Variants in PPP2R2B observed in about 807,000 individuals in gnomAD.
The protein encoded by PPP2R2B is serine/threonine-protein phosphatase 2A 55 kDa regulatory subunit B beta isoform.
PPP2R2B carries 5 observed loss-of-function variants against 46.0 expected under a neutral mutation model. The ratio of observed to expected loss-of-function variants is 0.11; its 90% CI spans 0.06 to 0.23. PPP2R2B has a LOEUF of 0.23. Among genes scored for constraint, PPP2R2B ranks in the 10% least tolerant of loss-of-function variants. The pLI is 1.00. For synonymous variants in PPP2R2B, 215 were observed against 206.7 expected (o/e 1.04, Z -0.34); for missense variants, 367 against 575.0 (o/e 0.64, Z 3.70).
intron 2 of PPP2R2B, among the ~76,000 whole-genome samples, chr5:146,734,086 A>G (rs1182069563): frequency 7.0e-6 from 1 of 143,746 alleles, no homozygotes. Context: ...ACAGGGTTTT[A>G]CTCTGTTGCT....
At chr5:146,647,408 C>A (rs545512632) in intron 6 of PPP2R2B, among the ~76,000 whole-genome samples, 5 of 152,242 alleles carry the variant, frequency 3.3e-5, no homozygotes, top group African/African-American at 1.2e-4. Flanking sequence ...CGCTTCCTAC[C>A]CCAGAGGTGG....
chr5:147,018,386 G>A (rs1755109572), intron 1 of PPP2R2B, among the ~76,000 whole-genome samples: 1 of 152,042 alleles, frequency 6.6e-6, no homozygotes, highest in Admixed American at 6.6e-5. Flanking sequence ...TCTGTCAGGA[G>A]GGATAGTTGG....
chr5:146,718,951 A>T (rs1270089169), intron 2 of PPP2R2B, among the ~76,000 whole-genome samples: 4 of 152,230 alleles, frequency 2.6e-5, no homozygotes, highest in Non-Finnish European at 1.5e-5. Flanking sequence ...CCAGTGAGTC[A>T]CATGAAATAA....
At chr5:146,923,327 G>T (rs1206060366) in intron 1 of PPP2R2B, among the ~76,000 whole-genome samples, 2 of 152,174 alleles carry the variant, frequency 1.3e-5, no homozygotes, top group Non-Finnish European at 2.9e-5. Flanking sequence ...CAGGCAAAAT[G>T]TACCTGTCAG....
At chr5:147,056,789 TCCATGAAATAATAATGACTTTGGAAA>T, upstream of PPP2R2B, among the ~76,000 whole-genome samples, 1 of 152,160 alleles carries the variant, frequency 6.6e-6, no homozygotes, top group African/African-American at 2.4e-5. Context: ...TTGGTTTTGG[TCCATGAAATAATAATGACTTTGGAAA>T]CCTTATCACT....
At chr5:146,602,014 C>G (rs985348512) in intron 7 of PPP2R2B, among the ~76,000 whole-genome samples, 1 of 152,138 alleles carries the variant, frequency 6.6e-6, no homozygotes, top group African/African-American at 2.4e-5. Flanking sequence ...GAGTATATCT[C>G]GATATTTCCC....
At chr5:146,688,878 G>A (rs560345154) in intron 5 of PPP2R2B, among the ~76,000 whole-genome samples, 89 of 152,096 alleles carry the variant, frequency 5.9e-4, no homozygotes, top group Non-Finnish European at 9.6e-4. Flanking sequence ...AGAAGTTCAC[G>A]GTATAAACTC....
chr5:146,974,092 C>T (rs1752783982), intron 1 of PPP2R2B, among the ~76,000 whole-genome samples: 1 of 152,106 alleles, frequency 6.6e-6, no homozygotes, highest in South Asian at 2.1e-4. Context: ...AGAGTAAACT[C>T]TTGTAGATCT....
At chr5:146,741,018 A>G (rs1429396785) in intron 2 of PPP2R2B, among the ~76,000 whole-genome samples, 1 of 145,998 alleles carries the variant, frequency 6.8e-6, no homozygotes, top group East Asian at 2.0e-4. Context: ...GCCAAGCGAC[A>G]GAGCAAGACT....
chr5:147,069,202 T>C (rs1017524264), intron 2 of PPP2R2B, among the ~76,000 whole-genome samples: 1 of 152,100 alleles, frequency 6.6e-6, no homozygotes, highest in Non-Finnish European at 1.5e-5. Flanking sequence ...GATAGCACAG[T>C]GAACTTCAGA....
At chr5:146,605,389 T>G (rs1772166782) in intron 7 of PPP2R2B, among the ~76,000 whole-genome samples, 1 of 152,204 alleles carries the variant, frequency 6.6e-6, no homozygotes, top group South Asian at 2.1e-4. Flanking sequence ...CCACTGGCTT[T>G]TCCATTTCCC....
rs111349413 is a variant in PPP2R2B, at chr5:146,634,785, C to T, written c.790+3466G>A. ...ACTTACACACACACACACACACACC[C>T]CCTACTGGTTCTGTTTGTCTGGAGA... On this transcript the variant is annotated intron_variant, in intron 7 of 9. Transcript: ENST00000394411. Among the ~76,000 whole-genome samples, 13 of 151,896 alleles carry T rather than the reference C, an allele frequency of 8.6e-5. 3 individuals carry two copies. The highest frequency in any genetic ancestry group is 2.7e-4 in the African/African-American group (11 of 41,334).
chr5:147,008,063 T>A (rs548051178), intron 1 of PPP2R2B, among the ~76,000 whole-genome samples: 37 of 152,160 alleles, frequency 2.4e-4, no homozygotes, highest in Non-Finnish European at 2.9e-4. Context: ...TTATTGAACA[T>A]CAATGAAATA....
chr5:146,603,738 T>A (rs911898932), intron 7 of PPP2R2B, among the ~76,000 whole-genome samples: 5 of 152,224 alleles, frequency 3.3e-5, no homozygotes, highest in Admixed American at 6.5e-5. Flanking sequence ...GTGCTTTACA[T>A]GTTTTATTTC....
rs1776200123 is a variant in PPP2R2B at position 146,654,602 on chromosome 5, C to T, written c.448-3878G>A. On this transcript the variant is annotated intron_variant, in intron 5 of 9. Coordinates refer to ENST00000394411, the MANE Select transcript of PPP2R2B (RefSeq NM_181675.4). Reference sequence around the variant, plus strand: ...GTGGGAGGCCATAGTGTCTAGGCCTCTCCTCCTTCATTATTCTTGGTATTA... The same window carrying T: ...GTGGGAGGCCATAGTGTCTAGGCCTTTCCTCCTTCATTATTCTTGGTATTA... Among the ~76,000 whole-genome samples, 5 of 152,164 alleles carry T rather than the reference C, an allele frequency of 3.3e-5. No homozygotes were observed. The South Asian group carries it at 1.0e-3, about 32-fold the overall frequency.
At chr5:146,601,911 T>C (rs1561759928) in intron 7 of PPP2R2B, among the ~76,000 whole-genome samples, 1 of 152,178 alleles carries the variant, frequency 6.6e-6, no homozygotes, top group South Asian at 2.1e-4. Context: ...GATTTCCACT[T>C]ACAGGAAAAA....
rs1389927175 is a variant in PPP2R2B at position 146,673,113 on chromosome 5, G to GT, written c.447+18014dup. Among the ~76,000 whole-genome samples the GT allele has an allele frequency of 2.0e-5, 3 of 152,278 alleles. No homozygotes were observed. The East Asian group carries it at 5.8e-4, about 29-fold the overall frequency. ...ATAAAGCTCATCTGTCTGAGTTATG[G>GT]TTTTTTCCTTCTGATAATCAGCAAG... On this transcript the variant is annotated intron_variant, in intron 5 of 9. Transcript: ENST00000394411.
At chr5:146,984,437 A>T (rs1753327999) in intron 1 of PPP2R2B, among the ~76,000 whole-genome samples, 1 of 152,246 alleles carries the variant, frequency 6.6e-6, no homozygotes, top group Non-Finnish European at 1.5e-5. Context: ...TAGACTAAAT[A>T]GTATTCCATG....
Position 146,638,411 on chromosome 5 carries a change from A to G in PPP2R2B, c.630T>C (p.Ile210=), listed in dbSNP as rs2151078843. 1.2e-6 allele frequency: 2 copies of G among 1,606,542 alleles called. No individual in the cohort carries two copies. The highest frequency in any genetic ancestry group is 1.7e-6 in the Non-Finnish European group (2 of 1,174,054). The part of the protein sequence containing the change: ...NFEITNQSFN[I]VDIKPANMEE... ...CCATGTTGGCTGGCTTAATGTCCAC[A>G]ATATCTGGCACAGACGAGTCAAGGA... Residue 210 remains isoleucine, a synonymous_variant, in exon 7 of 10, where the codon ATT becomes ATC. Coordinates refer to ENST00000394411, the MANE Select transcript of PPP2R2B (RefSeq NM_181675.4).
Sources: gnomAD v4.1 joint callset for allele counts (sites outside exome capture counted in the v4.1 genomes callset) on GRCh38, gnomAD v4.1.1 for gene constraint, MANE v1.5 for transcripts, NCBI Gene and HGNC (gene_info 2026-07-23, HGNC 2026-07-21) for gene names.